RAP1GAP: variants seen among roughly 807,000 people sequenced by gnomAD.
The protein encoded by RAP1GAP is rap1 GTPase-activating protein 1.
In RAP1GAP, 35 loss-of-function variants were observed where a neutral mutation model predicts 87.2. That is an observed-to-expected ratio of 0.40 (90% CI 0.31 to 0.53). RAP1GAP has a LOEUF of 0.53. RAP1GAP is among the 20% of genes least tolerant of loss of function. The probability of loss-of-function intolerance (pLI) is 0.48; values close to 1 mark genes in which losing one functional copy is unlikely to be tolerated. For missense variants in RAP1GAP, 734 were observed against 898.9 expected (o/e 0.82, Z 2.35); for synonymous variants, 375 against 363.9 (o/e 1.03, Z -0.35).
Position 21,603,177 on chromosome 1 carries a change from G to T in RAP1GAP, c.1429-264C>A, listed in dbSNP as rs993723154. 6.3e-6 allele frequency: 3 copies of T among 474,310 alleles called. No individual in the cohort carries two copies. The highest frequency in any genetic ancestry group is 3.7e-5 in the Admixed American group (1 of 27,226). The allele number at this position is 474,310 out of a possible 1,614,324, so 29.4% of individuals were successfully genotyped here. On this transcript the variant is annotated intron_variant, in intron 18 of 24. Transcript: ENST00000374765. This position sits in a 1 kb window ranked among gnomAD's most constrained non-coding sequence, Gnocchi z 6.0. ...AGGATTAGGACAGCATCCTGAGGGGGCTAGGGTGGGAGGAGGCCGAGTCCT... is the reference window on the plus strand; with the variant it reads ...AGGATTAGGACAGCATCCTGAGGGGTCTAGGGTGGGAGGAGGCCGAGTCCT...
Position 21,613,504 on chromosome 1 carries a change from A to T in RAP1GAP, c.474+124T>A, listed in dbSNP as rs1454121538. On this transcript the variant is annotated intron_variant, in intron 9 of 24. Transcript: ENST00000374765. The surrounding 1 kb of genome is among the most constrained non-coding windows in gnomAD (Gnocchi z 4.7). ...ATGGGAACAAGTGAGAGACAGCCTC[A>T]GGATAGGGCGGCAGGCCAGGGCTAG... 6 of 935,758 alleles carry T rather than the reference A, an allele frequency of 6.4e-6. No homozygotes were observed. In the South Asian group the frequency reaches 8.3e-5, roughly 13 times the overall value. 58.0% of individuals were successfully genotyped at this position (935,758 alleles called of 1,614,324 possible).
rs1490291358 is a variant in RAP1GAP at position 21,610,269 on chromosome 1, G to A, written c.850C>T (p.Arg284Trp). The change falls in exon 14 of 25, where the codon CGG (arginine) becomes TGG (tryptophan). Residue 284 changes from arginine (R) to tryptophan (W), a missense_variant. Transcript: ENST00000374765. ...YTEGDAQQLQ[R>W]KRHIGNDIVA... Reference sequence around the variant, plus strand: ...ATGTCGTTCCCGATGTGCCGCTTCCGCTGCAACTGAGCACAAAGCCACGGG... The same window carrying A: ...ATGTCGTTCCCGATGTGCCGCTTCCACTGCAACTGAGCACAAAGCCACGGG... 2 of 1,614,028 alleles carry A rather than the reference G, an allele frequency of 1.2e-6. No individual in the cohort carries two copies. Among genetic ancestry groups the A allele is most frequent in the Non-Finnish European group, 1.7e-6 (2 of 1,179,990 alleles).
chr1:21,608,110 G>A (rs1243505689), intron 17 of RAP1GAP, 103 bp downstream of exon 17: 14 of 1,491,780 alleles, frequency 9.4e-6, no homozygotes, highest in East Asian at 2.3e-5. Flanking sequence ...CCTTCTGCCA[G>A]ACTCCACCCC....
At position 21,636,943 on chromosome 1, in the gene RAP1GAP, AGGAAGGGAGGG is replaced by A. The variant is rs1319779448; in HGVS notation, c.-112-10557_-112-10547del. The stretch of plus-strand genomic sequence containing the variant: ...GAGGGAGGGAGGGAGGGAGGGAGGG[AGGAAGGGAGGG>A]AGGGAGGGAGGAAGGGAAAGCAACC... On this transcript the variant is annotated intron_variant, in intron 2 of 24. Transcript: ENST00000374765. Among the ~76,000 whole-genome samples the A allele has an allele frequency of 1.4e-4, 10 of 70,084 alleles. No individual in the cohort carries two copies. In the South Asian group the frequency reaches 2.2e-3, roughly 15 times the overall value. 46.0% of individuals were successfully genotyped at this position (70,084 alleles called of 152,430 possible). A position where few individuals can be genotyped will look rare whatever the true frequency, so the allele number is the denominator to read the frequency against.
At chr1:21,625,150 G>C (rs2091400044) in intron 3 of RAP1GAP, among the ~76,000 whole-genome samples, 1 of 152,192 alleles carries the variant, frequency 6.6e-6, no homozygotes, top group Admixed American at 6.5e-5. Context: ...CCCCCATGAA[G>C]GTGGTGGCCC....
intron 1 of RAP1GAP, among the ~76,000 whole-genome samples, chr1:21,666,909 G>A (rs2097372144): frequency 6.6e-6 from 1 of 152,170 alleles, no homozygotes. Context: ...GACAACCTCC[G>A]TCTCTCTGTG....
rs932324706 is a variant in RAP1GAP, at chr1:21,622,614, C to T, written c.-18-2564G>A. The stretch of plus-strand genomic sequence containing the variant: ...GGCGCCAGGTACGGGCGGCACGGCG[C>T]GGGGCGGGGCGGGGCGGGGGCGCTG... On this transcript the variant is annotated intron_variant, in intron 3 of 24. Transcript: ENST00000374765. The surrounding 1 kb of genome is among the most constrained non-coding windows in gnomAD (Gnocchi z 5.7). The T allele has an allele frequency of 6.8e-6, 1 of 146,172 alleles. No homozygotes were observed. Among genetic ancestry groups the T allele is most frequent in the African/African-American group, 2.5e-5 (1 of 40,796 alleles). 9.1% of individuals were successfully genotyped at this position (146,172 alleles called of 1,614,324 possible).
chr1:21,666,293 G>C (rs1426627351), intron 1 of RAP1GAP, among the ~76,000 whole-genome samples: 2 of 152,212 alleles, frequency 1.3e-5, no homozygotes, highest in Non-Finnish European at 2.9e-5. Flanking sequence ...CTTCACACCA[G>C]CTGGCCCCCA....
In RAP1GAP at chr1:21,668,762, C is replaced by G. The variant is rs1225685110; in HGVS notation, c.-149+492G>C. 6.6e-6 allele frequency among the ~76,000 whole-genome samples: 1 copy of G among 152,076 alleles called. No individual in the cohort carries two copies. Among genetic ancestry groups the G allele is most frequent in the Non-Finnish European group, 1.5e-5 (1 of 67,986 alleles). ...GTCTCTGGGGATGCAAGGACATCAC[C>G]GCCCTCCCCGCTCAGGGTCCTTGAT... is the stretch of plus-strand genomic sequence containing the variant. On this transcript the variant is annotated intron_variant, in intron 1 of 24. Transcript: ENST00000374765. This position sits in a 1 kb window ranked among gnomAD's most constrained non-coding sequence, Gnocchi z 6.2.
intron 2 of RAP1GAP, among the ~76,000 whole-genome samples, chr1:21,643,494 T>C (rs1571228664): frequency 6.7e-6 from 1 of 148,590 alleles, no homozygotes; most frequent in Non-Finnish European, 1.5e-5. Context: ...CAGGTGGAGG[T>C]TGCAGTGAGC....
At position 21,669,196 on chromosome 1, in the gene RAP1GAP, T is replaced by G; in HGVS notation, c.-149+58A>C. On this transcript the variant is annotated intron_variant, in intron 1 of 24. Coordinates refer to ENST00000374765, the MANE Select transcript of RAP1GAP (RefSeq NM_002885.4). This position sits in a 1 kb window ranked among gnomAD's most constrained non-coding sequence, Gnocchi z 5.6. ...TCTTCGCTGCGAGCCGACGGGAGTC[T>G]GGACACCTCTGTCCCCTTCCCCTTT... 8.1e-7 allele frequency: 1 copy of G among 1,242,174 alleles called. No individual in the cohort carries two copies. Among genetic ancestry groups the G allele is most frequent in the Non-Finnish European group, 1.0e-6 (1 of 969,788 alleles). The allele number at this position is 1,242,174 out of a possible 1,614,324, so 76.9% of individuals were successfully genotyped here. A position where few individuals can be genotyped will look rare whatever the true frequency, so the allele number is the denominator to read the frequency against.
chr1:21,612,841 G>A (rs7538710), intron 10 of RAP1GAP, among the ~76,000 whole-genome samples: 199 of 152,334 alleles, frequency 1.3e-3, no homozygotes, highest in African/African-American at 4.3e-3. Flanking sequence ...AGGCAAGGCC[G>A]GTAGAAAAGA....
chr1:21,632,269 TC>T (rs1227398956), intron 2 of RAP1GAP, among the ~76,000 whole-genome samples: 1 of 152,144 alleles, frequency 6.6e-6, no homozygotes, highest in Non-Finnish European at 1.5e-5. Context: ...TGCTGACAGC[TC>T]CCCGGTTTCT....
In RAP1GAP at chr1:21,615,328, C is replaced by CCCTG. The variant is rs892446604; in HGVS notation, c.292-1243_292-1240dup. On this transcript the variant is annotated intron_variant, in intron 7 of 24. Transcript: ENST00000374765. The surrounding 1 kb of genome is among the most constrained non-coding windows in gnomAD (Gnocchi z 4.5). ...TACCCCACCTGGAGTCAGGAAGGGG[C>CCCTG]CCTGCCATTCTGCCAGCCCTGGGGC... Among the ~76,000 whole-genome samples, 2 of 152,320 alleles carry CCCTG rather than the reference C, an allele frequency of 1.3e-5. No homozygotes were observed. The highest frequency in any genetic ancestry group is 4.8e-5 in the African/African-American group (2 of 41,564).
intron 6 of RAP1GAP, among the ~76,000 whole-genome samples, 161 bp from the exon 7 acceptor site, chr1:21,617,652 C>T (rs1211150092): frequency 6.6e-6 from 1 of 152,234 alleles, no homozygotes; most frequent in Non-Finnish European, 1.5e-5. Context: ...CCAGCCCTTT[C>T]CCTCAGCCAG....
intron 5 of RAP1GAP, 97 bp from the exon 6 acceptor site, chr1:21,618,069 C>A: frequency 6.9e-7 from 1 of 1,451,010 alleles, no homozygotes; most frequent in Non-Finnish European, 9.7e-7. Context: ...GCTGAGAGTG[C>A]GGATGGGGCC....
chr1:21,663,019 C>T (rs1193049352), intron 1 of RAP1GAP, among the ~76,000 whole-genome samples: 1 of 152,246 alleles, frequency 6.6e-6, no homozygotes, highest in Non-Finnish European at 1.5e-5. Context: ...TAGCTGCCCA[C>T]TTCCCACCCT....
At chr1:21,640,173 C>T (rs934302855) in intron 2 of RAP1GAP, among the ~76,000 whole-genome samples, 6 of 151,952 alleles carry the variant, frequency 3.9e-5, no homozygotes, top group Admixed American at 1.3e-4. Flanking sequence ...CCACTGCACA[C>T]GCTGTGCCCC....
intron 2 of RAP1GAP, among the ~76,000 whole-genome samples, chr1:21,638,939 C>T (rs1448987130): frequency 1.3e-5 from 2 of 151,408 alleles, no homozygotes; most frequent in Non-Finnish European, 3.0e-5. Context: ...CCCATTCTGG[C>T]TGGCTCCCAA....
Sources: gnomAD v4.1 joint callset for allele counts (sites outside exome capture counted in the v4.1 genomes callset) on GRCh38, gnomAD v4.1.1 for gene constraint, Gnocchi (gnomAD v3.1) non-coding constraint, MANE v1.5 for transcripts, NCBI Gene and HGNC (gene_info 2026-07-23, HGNC 2026-07-21) for gene names.